GLIS3: variants seen among roughly 807,000 people sequenced by gnomAD.
GLIS3 encodes the protein GLIS family zinc finger 3.
Under a neutral mutation model 78.6 loss-of-function variants are expected in GLIS3, and 53 were observed. That is an observed-to-expected ratio of 0.67 (90% CI 0.54 to 0.85). The LOEUF is 0.85. GLIS3 is among the 40% of genes least tolerant of loss of function. The probability of loss-of-function intolerance (pLI) is 0.00; values close to 1 mark genes in which losing one functional copy is unlikely to be tolerated. For missense variants in GLIS3, 1,703 were observed against 1,231.1 expected (o/e 1.38, Z -5.74); for synonymous variants, 684 against 509.9 (o/e 1.34, Z -4.60).
rs183519991 is a variant in GLIS3, at chr9:4,025,448, C to T, written c.1711-88259G>A. On this transcript the variant is annotated intron_variant, in intron 4 of 10. Coordinates refer to ENST00000381971, the MANE Select transcript of GLIS3 (RefSeq NM_001042413.2). ...CTGTGGCCAGGCTGGAGTGGGGTGGCGTGATCTTGGCTCACCGCAACCTCC... is the reference window on the plus strand; with the variant it reads ...CTGTGGCCAGGCTGGAGTGGGGTGGTGTGATCTTGGCTCACCGCAACCTCC... 1.1e-4 allele frequency among the ~76,000 whole-genome samples: 17 copies of T among 152,064 alleles called. No homozygotes were observed. The East Asian group carries it at 2.3e-3, about 21-fold the overall frequency.
the GLIS3 span, among the ~76,000 whole-genome samples, chr9:4,355,875 G>A: frequency 6.6e-6 from 1 of 152,146 alleles, no homozygotes; most frequent in African/African-American, 2.4e-5. Context: ...GGGGCATGTG[G>A]GAAAGTCCTG....
At chr9:3,955,027 G>C (rs1817000722) in intron 4 of GLIS3, among the ~76,000 whole-genome samples, 1 of 152,216 alleles carries the variant, frequency 6.6e-6, no homozygotes, top group Admixed American at 6.5e-5. Context: ...CAGAAGTTCT[G>C]CAAAAGCAAG....
chr9:3,859,077 C>T (rs1819985660), intron 8 of GLIS3, among the ~76,000 whole-genome samples: 1 of 152,134 alleles, frequency 6.6e-6, no homozygotes, highest in African/African-American at 2.4e-5. Context: ...GAGAGTCTTC[C>T]TGTTTGAGGT....
intron 8 of GLIS3, among the ~76,000 whole-genome samples, chr9:3,862,292 A>C (rs1820262772): frequency 6.6e-6 from 1 of 152,186 alleles, no homozygotes; most frequent in Non-Finnish European, 1.5e-5. Flanking sequence ...TGAAATGTTC[A>C]TCTTTATCAT....
intron 4 of GLIS3, among the ~76,000 whole-genome samples, chr9:4,307,759 A>G (rs1036767915): frequency 1.3e-5 from 2 of 152,178 alleles, no homozygotes; most frequent in African/African-American, 4.8e-5. Context: ...TTGAAGGTGC[A>G]GGAAGGAGCT....
chr9:3,957,034 G>T (rs896176002), intron 4 of GLIS3, among the ~76,000 whole-genome samples: 6 of 152,178 alleles, frequency 3.9e-5, no homozygotes, highest in African/African-American at 1.4e-4. Flanking sequence ...TTGGAACTAA[G>T]ACCTGAAAAA....
intron 4 of GLIS3, among the ~76,000 whole-genome samples, chr9:3,971,034 G>A (rs1818337443): frequency 7.0e-6 from 1 of 142,080 alleles, no homozygotes; most frequent in African/African-American, 2.6e-5. Flanking sequence ...ATCGATCAAA[G>A]GAAAGAAGGA....
chr9:4,388,034 A>G, the GLIS3 span, among the ~76,000 whole-genome samples: 1 of 152,160 alleles, frequency 6.6e-6, no homozygotes, highest in African/African-American at 2.4e-5. Context: ...GAGCGAACCA[A>G]TGTTTTGTTT....
the GLIS3 span, among the ~76,000 whole-genome samples, chr9:4,362,932 G>T: frequency 6.6e-6 from 1 of 152,120 alleles, no homozygotes; most frequent in African/African-American, 2.4e-5. Context: ...GAGAGATGAA[G>T]AAGGTAGCAA....
chr9:4,280,590 GT>G (rs1403554689), intron 2 of GLIS3, among the ~76,000 whole-genome samples: 2 of 152,034 alleles, frequency 1.3e-5, no homozygotes, highest in South Asian at 2.1e-4. Context: ...TAAATTCAGC[GT>G]CAAAGAATGA....
intron 2 of GLIS3, among the ~76,000 whole-genome samples, chr9:4,176,640 T>G (rs1231913794): frequency 6.6e-6 from 1 of 152,210 alleles, no homozygotes; most frequent in African/African-American, 2.4e-5. Flanking sequence ...TTTTTTATCT[T>G]GAGACACAGT....
At chr9:4,051,724 T>A (rs1289763767) in intron 4 of GLIS3, among the ~76,000 whole-genome samples, 1 of 152,236 alleles carries the variant, frequency 6.6e-6, no homozygotes, top group Non-Finnish European at 1.5e-5. Flanking sequence ...CATCAAACAC[T>A]ATTCTAGGCT....
intron 2 of GLIS3, among the ~76,000 whole-genome samples, chr9:4,279,324 TACACACACACACACAC>T (rs141790371): frequency 4.7e-5 from 4 of 84,924 alleles, no homozygotes; most frequent in South Asian, 8.1e-4. Flanking sequence ...AATATATATA[TACACACACACACACAC>T]ACACACACAC....
the GLIS3 span, among the ~76,000 whole-genome samples, chr9:4,456,065 G>A: frequency 1.3e-5 from 2 of 151,926 alleles, no homozygotes; most frequent in South Asian, 2.1e-4. Context: ...CTGAGATCAC[G>A]CCACTGCACT....
the GLIS3 span, among the ~76,000 whole-genome samples, chr9:4,407,271 T>C: frequency 6.6e-6 from 1 of 152,186 alleles, no homozygotes; most frequent in South Asian, 2.1e-4. Flanking sequence ...CCCTTATCTC[T>C]CACCATATAC....
chr9:3,887,417 C>T (rs972958510), intron 7 of GLIS3, among the ~76,000 whole-genome samples: 5 of 152,190 alleles, frequency 3.3e-5, no homozygotes, highest in African/African-American at 1.2e-4. Context: ...GGGCACGGCT[C>T]TGTAGAACAT....
intron 4 of GLIS3, among the ~76,000 whole-genome samples, chr9:4,114,110 G>A (rs1438222206): frequency 6.6e-6 from 1 of 152,170 alleles, no homozygotes; most frequent in South Asian, 2.1e-4. Flanking sequence ...CAGTGTTTCT[G>A]ATCCTAGCAA....
intron 2 of GLIS3, among the ~76,000 whole-genome samples, chr9:4,150,174 A>G (rs551434062): frequency 6.6e-6 from 1 of 152,170 alleles, no homozygotes; most frequent in Admixed American, 6.5e-5. Flanking sequence ...GCCCCTTTCT[A>G]CTAGAAACCA....
At chr9:4,388,360 T>G in the GLIS3 span, among the ~76,000 whole-genome samples, 1 of 152,040 alleles carries the variant, frequency 6.6e-6, no homozygotes, top group Non-Finnish European at 1.5e-5. Context: ...CATGGTTAGC[T>G]TTACCTCCAG....
Sources: allele counts gnomAD v4.1 joint callset (sites outside exome capture counted in the v4.1 genomes callset), GRCh38; gene constraint gnomAD v4.1.1; transcripts MANE v1.5; gene names NCBI Gene and HGNC (gene_info 2026-07-23, HGNC 2026-07-21).